Variants in KLHL32 observed in about 807,000 individuals in gnomAD.
KLHL32 encodes kelch like family member 32, also known as kelch-like protein 32.
KLHL32 carries 35 observed loss-of-function variants against 64.8 expected under a neutral mutation model. The ratio of observed to expected loss-of-function variants is 0.54; its 90% CI spans 0.41 to 0.72. The LOEUF (loss-of-function observed/expected upper bound fraction) is 0.72. Among genes scored for constraint, KLHL32 ranks in the 30% least tolerant of loss-of-function variants. The pLI is 0.00. For missense variants in KLHL32, 589 were observed against 768.5 expected (o/e 0.77, Z 2.76); for synonymous variants, 259 against 281.0 (o/e 0.92, Z 0.78).
intron 6 of KLHL32, among the ~76,000 whole-genome samples, chr6:97,104,586 C>G (rs1796151689): frequency 6.6e-6 from 1 of 152,040 alleles, no homozygotes; most frequent in South Asian, 2.1e-4. Flanking sequence ...CGGGCCTCAT[C>G]AGATTTGGTT....
At chr6:97,115,325 G>T (rs1797699312) in intron 7 of KLHL32, among the ~76,000 whole-genome samples, 1 of 152,044 alleles carries the variant, frequency 6.6e-6, no homozygotes, top group African/African-American at 2.4e-5. Context: ...CTAAAACAAA[G>T]TTTGTTTGTT....
intron 5 of KLHL32, among the ~76,000 whole-genome samples, chr6:97,078,302 A>G (rs577626498): frequency 1.3e-5 from 2 of 152,346 alleles, no homozygotes; most frequent in Admixed American, 1.3e-4. Flanking sequence ...ATGCTACTAC[A>G]TCATGGGCAT....
chr6:96,975,642 A>C (rs73758082), intron 2 of KLHL32, among the ~76,000 whole-genome samples: 3,001 of 152,274 alleles, frequency 0.02, 108 homozygotes, highest in African/African-American at 0.069. Flanking sequence ...CATCCAGAGG[A>C]AGTTTTGCAC....
chr6:97,097,752 A>G (rs1255084620), intron 6 of KLHL32, among the ~76,000 whole-genome samples: 1 of 152,188 alleles, frequency 6.6e-6, no homozygotes, highest in African/African-American at 2.4e-5. Context: ...CTGCCTTCCA[A>G]TAGAGCAAAT....
rs1562376084 is a variant in KLHL32 at position 97,139,291 on chromosome 6, G to A, written c.*9G>A. ...GGATTGGCACCATCTGAAAAGCCAAGCCATCATGAACAGGAGGAAAACATA... is the reference window on the plus strand; with the variant it reads ...GGATTGGCACCATCTGAAAAGCCAAACCATCATGAACAGGAGGAAAACATA... On this transcript the variant is annotated 3_prime_UTR_variant, in exon 11 of 11. Coordinates refer to ENST00000369261, the MANE Select transcript of KLHL32 (RefSeq NM_052904.4). The A allele has an allele frequency of 6.0e-5, 96 of 1,610,884 alleles. No homozygotes were observed. The highest frequency in any genetic ancestry group is 7.9e-5 in the Non-Finnish European group (93 of 1,178,108).
intron 1 of KLHL32, among the ~76,000 whole-genome samples, chr6:96,962,741 G>C (rs1338796534): frequency 1.3e-5 from 2 of 152,120 alleles, no homozygotes; most frequent in African/African-American, 2.4e-5. Context: ...ACACTATACA[G>C]CCCCCTGTGA....
Position 97,058,156 on chromosome 6 carries a change from TTA to T in KLHL32, c.313-6471_313-6470del, listed in dbSNP as rs376267501. ...ACTGTCTTGATAACTGTAGTTTTTT[TTA>T]GTCTTGAAGCGGGTATTGTCAGTCC... On this transcript the variant is annotated intron_variant, in intron 4 of 10. Transcript: ENST00000369261. Among the ~76,000 whole-genome samples the T allele has an allele frequency of 2.6e-3, 398 of 152,324 alleles. 3 individuals are homozygous for T. The highest frequency in any genetic ancestry group is 9.1e-3 in the African/African-American group (377 of 41,582).
intron 3 of KLHL32, among the ~76,000 whole-genome samples, chr6:96,984,129 C>T (rs1449950835): frequency 2.0e-5 from 3 of 152,174 alleles, no homozygotes; most frequent in Non-Finnish European, 2.9e-5. Flanking sequence ...GCCTTCATTT[C>T]GTTATATGCC....
intron 1 of KLHL32, among the ~76,000 whole-genome samples, chr6:96,964,504 T>A (rs1774224952): frequency 6.6e-6 from 1 of 152,044 alleles, no homozygotes; most frequent in African/African-American, 2.4e-5. Flanking sequence ...ATACAAAAAA[T>A]TAGCAGGGCG....
chr6:96,903,890 ATAAGAAT>A, the KLHL32 span, among the ~76,000 whole-genome samples: 1 of 152,358 alleles, frequency 6.6e-6, no homozygotes, highest in East Asian at 1.9e-4. Context: ...AGAAAAGGAA[ATAAGAAT>A]TATAAATGTT....
intron 5 of KLHL32, among the ~76,000 whole-genome samples, chr6:97,067,409 G>A (rs1340241341): frequency 6.6e-6 from 1 of 152,180 alleles, no homozygotes; most frequent in African/African-American, 2.4e-5. Context: ...GTGGGAAAAA[G>A]GAAAGCTGGG....
chr6:97,084,489 G>GA (rs1475580822), intron 5 of KLHL32, among the ~76,000 whole-genome samples: 1 of 152,038 alleles, frequency 6.6e-6, no homozygotes, highest in African/African-American at 2.4e-5. Context: ...CTGAGGCTGA[G>GA]AAAAAAACAA....
chr6:97,087,747 G>A (rs865989857), intron 6 of KLHL32, among the ~76,000 whole-genome samples: 2 of 152,118 alleles, frequency 1.3e-5, no homozygotes, highest in Admixed American at 1.3e-4. Flanking sequence ...TGTCATCTGG[G>A]ACCATCCCAT....
chr6:97,117,256 C>T (rs903617004), intron 7 of KLHL32, among the ~76,000 whole-genome samples: 6 of 152,166 alleles, frequency 3.9e-5, no homozygotes, highest in Non-Finnish European at 8.8e-5. Flanking sequence ...TATTCCTTAT[C>T]CTTTACCAAG....
intron 3 of KLHL32, among the ~76,000 whole-genome samples, chr6:97,024,124 T>C (rs1225666338): frequency 6.6e-6 from 1 of 152,206 alleles, no homozygotes; most frequent in African/African-American, 2.4e-5. Context: ...ACTCAAGAAA[T>C]AGCTTCTAAT....
intron 4 of KLHL32, among the ~76,000 whole-genome samples, chr6:97,045,329 A>T (rs1367938722): frequency 1.3e-5 from 2 of 152,184 alleles, no homozygotes; most frequent in Admixed American, 6.5e-5. Flanking sequence ...TGGTTTACAG[A>T]TGTGAAGAAA....
chr6:97,107,988 A>G (rs891172000), intron 6 of KLHL32, among the ~76,000 whole-genome samples: 1 of 152,198 alleles, frequency 6.6e-6, no homozygotes, highest in Non-Finnish European at 1.5e-5. Context: ...TTTAGGAAGG[A>G]ACAATTCTCC....
intron 3 of KLHL32, among the ~76,000 whole-genome samples, chr6:96,997,659 T>C (rs1219267390): frequency 6.6e-6 from 1 of 152,056 alleles, no homozygotes; most frequent in African/African-American, 2.4e-5. Flanking sequence ...GGAGGATCGC[T>C]TGAGCCCAGG....
chr6:97,007,297 A>G (rs1779786931), intron 3 of KLHL32, among the ~76,000 whole-genome samples: 1 of 152,158 alleles, frequency 6.6e-6, no homozygotes, highest in South Asian at 2.1e-4. Flanking sequence ...GTTAGTACTT[A>G]GGATTGTATT....
Sources: gnomAD v4.1 joint callset for allele counts (sites outside exome capture counted in the v4.1 genomes callset) on GRCh38, gnomAD v4.1.1 for gene constraint, MANE v1.5 for transcripts, NCBI Gene and HGNC (gene_info 2026-07-23, HGNC 2026-07-21) for gene names.